MDGA2: variants seen among roughly 807,000 people sequenced by gnomAD.
MDGA2 encodes MAM domain-containing glycosylphosphatidylinositol anchor protein 2.
A neutral mutation model predicts 117.8 loss-of-function variants in MDGA2; 40 were observed. The observed-to-expected ratio is 0.34, with a 90% CI of 0.26 to 0.44. The LOEUF is 0.44. Ranked by LOEUF, MDGA2 falls within the 20% of genes least tolerant of loss-of-function variation. The pLI, the probability that MDGA2 is intolerant of heterozygous loss-of-function variation, is 1.00. For synonymous variants in MDGA2, 452 were observed against 439.0 expected (o/e 1.03, Z -0.37); for missense variants, 1,123 against 1,250.6 (o/e 0.90, Z 1.54).
intron 3 of MDGA2, among the ~76,000 whole-genome samples, chr14:47,217,661 A>G (rs902430050): frequency 6.6e-6 from 1 of 152,044 alleles, no homozygotes; most frequent in Non-Finnish European, 1.5e-5. Flanking sequence ...TAAGTTAAAG[A>G]ATATACAGCA....
intron 6 of MDGA2, among the ~76,000 whole-genome samples, chr14:47,085,663 A>T (rs1890870544): frequency 6.6e-6 from 1 of 150,588 alleles, no homozygotes. Flanking sequence ...CACATCCTGG[A>T]CCCCCTTCCC....
chr14:47,596,907 G>A (rs955307662), intron 1 of MDGA2, among the ~76,000 whole-genome samples: 5 of 152,112 alleles, frequency 3.3e-5, no homozygotes, highest in African/African-American at 1.2e-4. Flanking sequence ...TCAAGAGCCT[G>A]TATCCATAAC....
intron 1 of MDGA2, among the ~76,000 whole-genome samples, chr14:47,416,354 AATTTT>A (rs1185992007): frequency 1.3e-5 from 2 of 152,182 alleles, no homozygotes; most frequent in African/African-American, 4.8e-5. Context: ...CCAAAACCTT[AATTTT>A]CAAGAATAAT....
intron 2 of MDGA2, among the ~76,000 whole-genome samples, chr14:47,289,723 C>T (rs1044783467): frequency 6.6e-6 from 1 of 152,054 alleles, no homozygotes; most frequent in Non-Finnish European, 1.5e-5. Context: ...TCTTGAAACG[C>T]CCTGATAATC....
At position 46,982,316 on chromosome 14, in the gene MDGA2, G is replaced by T. The variant is rs1010377427; in HGVS notation, c.1820-24673C>A. ...ATACTATGATTAAAATGGTGTAAAA[G>T]TAGTATTATTAAAATGGTATATATT... On this transcript the variant is annotated intron_variant, in intron 8 of 16. Transcript: ENST00000399232. 3.9e-5 allele frequency among the ~76,000 whole-genome samples: 6 copies of T among 151,970 alleles called. No homozygotes were observed. The East Asian group carries it at 7.7e-4, about 20-fold the overall frequency.
chr14:46,853,961 GAA>G (rs917102152), intron 15 of MDGA2, among the ~76,000 whole-genome samples: 1 of 151,584 alleles, frequency 6.6e-6, no homozygotes, highest in Non-Finnish European at 1.5e-5. Context: ...TTATTTTTCA[GAA>G]TCATATGGGA....
At chr14:47,619,628 C>G (rs1310539379) in intron 1 of MDGA2, among the ~76,000 whole-genome samples, 1 of 152,126 alleles carries the variant, frequency 6.6e-6, no homozygotes, top group Non-Finnish European at 1.5e-5. Flanking sequence ...TTCAAGGGAG[C>G]ACGTAGCACA....
Position 46,846,990 on chromosome 14 carries a change from G to A in MDGA2, c.2884-1119C>T, listed in dbSNP as rs370284485. Among the ~76,000 whole-genome samples the A allele has an allele frequency of 1.3e-3, 194 of 152,096 alleles. 2 individuals are homozygous for A. The highest frequency in any genetic ancestry group is 4.5e-3 in the African/African-American group (186 of 41,522). The stretch of plus-strand genomic sequence containing the variant: ...TTTATTTGAAAACATCTCCTCAAAG[G>A]CAAATCAGAGTCATCTCTGAACTTT... On this transcript the variant is annotated intron_variant, in intron 15 of 16. Coordinates refer to ENST00000399232, the MANE Select transcript of MDGA2 (RefSeq NM_001113498.3).
chr14:47,541,351 C>A, intron 1 of MDGA2, among the ~76,000 whole-genome samples: 1 of 152,106 alleles, frequency 6.6e-6, no homozygotes, highest in East Asian at 1.9e-4. Flanking sequence ...GCAAGACAAA[C>A]GAAATATGTC....
chr14:47,218,114 T>G lies in MDGA2; in HGVS notation c.502A>C (p.Asn168His). The part of the protein sequence containing the change: ...SVFNETLRIT[N>H]IQRHQGGRYY... ...CGGCCTCCTTGGTGTCGCTGAATAT[T>G]TGTAATCCTCAAAGTCTCATTGAAG... The change falls in exon 3 of 17, where the codon AAT becomes CAT. Residue 168 changes from asparagine to histidine, a missense_variant. Asn to His is a moderately conservative substitution (Grantham distance 68). This residue lies in a region of MDGA2 where 233 missense variants were observed against 200.3 expected (regional missense o/e 1.16). Coordinates refer to ENST00000399232, the MANE Select transcript of MDGA2 (RefSeq NM_001113498.3). 2.6e-6 allele frequency: 4 copies of G among 1,551,390 alleles called. No homozygotes were observed. Among genetic ancestry groups the G allele is most frequent in the African/African-American group, 1.4e-5 (1 of 73,128 alleles).
intron 1 of MDGA2, among the ~76,000 whole-genome samples, chr14:47,438,968 A>T (rs1040344102): frequency 4.6e-5 from 7 of 152,160 alleles, no homozygotes; most frequent in African/African-American, 1.7e-4. Flanking sequence ...ATCTTTCTAC[A>T]TGACTAATTT....
chr14:46,896,546 T>C (rs904090244), intron 10 of MDGA2, among the ~76,000 whole-genome samples: 6 of 152,064 alleles, frequency 3.9e-5, no homozygotes, highest in African/African-American at 1.4e-4. Context: ...CTGTTATATA[T>C]TTGATATTTA....
At chr14:47,141,033 T>A (rs185642436) in intron 4 of MDGA2, among the ~76,000 whole-genome samples, 1 of 152,196 alleles carries the variant, frequency 6.6e-6, no homozygotes, top group African/African-American at 2.4e-5. Context: ...GACCAACAGT[T>A]ATGTGAAAAA....
intron 3 of MDGA2, among the ~76,000 whole-genome samples, chr14:47,171,864 C>G (rs147801573): frequency 6.6e-6 from 1 of 152,318 alleles, no homozygotes; most frequent in Non-Finnish European, 1.5e-5. Context: ...TCAGGAAGCA[C>G]AAGGGGTCAG....
chr14:47,380,850 A>C (rs1054789484), intron 1 of MDGA2, among the ~76,000 whole-genome samples: 2 of 152,108 alleles, frequency 1.3e-5, no homozygotes, highest in African/African-American at 4.8e-5. Flanking sequence ...AATCCTCCCT[A>C]ACTCATTTTA....
chr14:46,934,361 C>T (rs1884701613), intron 9 of MDGA2, among the ~76,000 whole-genome samples: 1 of 152,036 alleles, frequency 6.6e-6, no homozygotes, highest in Non-Finnish European at 1.5e-5. Context: ...AAAATGGTAT[C>T]TCAGTTTTAT....
chr14:47,102,289 CT>C (rs75639388), intron 5 of MDGA2, among the ~76,000 whole-genome samples: 74,429 of 146,360 alleles, frequency 0.51, 19,030 homozygotes, highest in East Asian at 0.92. Flanking sequence ...AAGCTCAAGA[CT>C]TTTTTTTTTT....
intron 1 of MDGA2, among the ~76,000 whole-genome samples, chr14:47,529,165 A>G (rs1895039542): frequency 6.7e-6 from 1 of 149,794 alleles, no homozygotes; most frequent in Non-Finnish European, 1.5e-5. Flanking sequence ...CACCTGGCTA[A>G]TTTTTTTTTT....
chr14:47,033,174 G>C (rs1258184731), intron 8 of MDGA2, among the ~76,000 whole-genome samples: 1 of 152,152 alleles, frequency 6.6e-6, no homozygotes, highest in Non-Finnish European at 1.5e-5. Flanking sequence ...TTTTCTAGCG[G>C]ACTAATTAAG....
Sources: allele counts gnomAD v4.1 joint callset (sites outside exome capture counted in the v4.1 genomes callset), GRCh38; gene constraint gnomAD v4.1.1; regional missense constraint gnomAD v4.1.1; transcripts MANE v1.5; gene names NCBI Gene and HGNC (gene_info 2026-07-23, HGNC 2026-07-21).